PLEKHM3: variants seen among roughly 807,000 people sequenced by gnomAD.
PLEKHM3 encodes the protein pleckstrin homology domain-containing family M member 3.
In PLEKHM3, 45 loss-of-function variants were observed where a neutral mutation model predicts 81.8. That is an observed-to-expected ratio of 0.55 (90% CI 0.43 to 0.71). The LOEUF is 0.71. Ranked by LOEUF, PLEKHM3 falls within the 30% of genes least tolerant of loss-of-function variation. PLEKHM3 has a pLI of 0.00. For synonymous variants in PLEKHM3, 352 were observed against 356.4 expected (o/e 0.99, Z 0.14); for missense variants, 788 against 924.3 (o/e 0.85, Z 1.91).
chr2:207,898,069 G>A (rs1040369946), intron 6 of PLEKHM3, among the ~76,000 whole-genome samples: 6 of 152,152 alleles, frequency 3.9e-5, no homozygotes, highest in Non-Finnish European at 4.4e-5. Flanking sequence ...GGGGTCTGCC[G>A]CCTTTTGAGG....
intron 3 of PLEKHM3, among the ~76,000 whole-genome samples, chr2:207,949,498 C>T (rs150750634): frequency 2.0e-5 from 3 of 152,290 alleles, no homozygotes; most frequent in African/African-American, 4.8e-5. Context: ...TGTGATCATG[C>T]CACTGCACTC....
chr2:207,913,654 C>G (rs773511930), intron 5 of PLEKHM3, among the ~76,000 whole-genome samples: 1 of 151,446 alleles, frequency 6.6e-6, no homozygotes, highest in Non-Finnish European at 1.5e-5. Flanking sequence ...TACTCTTTTA[C>G]GAAGTCAACT....
chr2:207,895,750 A>AT (rs1322271883), intron 6 of PLEKHM3, among the ~76,000 whole-genome samples: 1 of 152,192 alleles, frequency 6.6e-6, no homozygotes, highest in Non-Finnish European at 1.5e-5. Flanking sequence ...TACCTTCTGC[A>AT]TGTTCTTACT....
intron 6 of PLEKHM3, among the ~76,000 whole-genome samples, chr2:207,861,592 G>A (rs2092467718): frequency 6.6e-6 from 1 of 152,204 alleles, no homozygotes; most frequent in South Asian, 2.1e-4. Context: ...GAGGAGTGTG[G>A]TAGGTTTCCC....
rs572366966 is a variant in PLEKHM3, at chr2:207,825,167, T to C, written c.*3152A>G. The C allele has an allele frequency of 6.5e-4, 99 of 152,322 alleles. No individual in the cohort carries two copies. Among genetic ancestry groups the C allele is most frequent in the African/African-American group, 2.3e-3 (94 of 41,568 alleles). The allele number at this position is 152,322 out of a possible 1,614,324, so 9.4% of individuals were successfully genotyped here. A position where few individuals can be genotyped will look rare whatever the true frequency, so the allele number is the denominator to read the frequency against. On this transcript the variant is annotated 3_prime_UTR_variant, in exon 8 of 8. Coordinates refer to ENST00000427836, the MANE Select transcript of PLEKHM3 (RefSeq NM_001080475.3). ...AGTTGACGGCTTTTTAAGTACTTTG[T>C]GGCCTTCCTGCCGCGGTGCAAAATG...
At chr2:208,017,779 G>C (rs898887658) in intron 1 of PLEKHM3, among the ~76,000 whole-genome samples, 2 of 152,036 alleles carry the variant, frequency 1.3e-5, no homozygotes. Context: ...TTTTCTTTTT[G>C]CTAAACCCTA....
At chr2:207,870,130 G>A (rs1472384421) in intron 6 of PLEKHM3, among the ~76,000 whole-genome samples, 1 of 152,196 alleles carries the variant, frequency 6.6e-6, no homozygotes, top group Non-Finnish European at 1.5e-5. Flanking sequence ...AGATCTGTGG[G>A]ATTGGGAAAA....
At chr2:207,965,456 A>G (rs1208283326) in intron 3 of PLEKHM3, among the ~76,000 whole-genome samples, 3 of 151,992 alleles carry the variant, frequency 2.0e-5, no homozygotes, top group Non-Finnish European at 4.4e-5. Context: ...CAAAAGATCT[A>G]TATCTTCTGA....
At chr2:207,961,384 G>C (rs1014216789) in intron 3 of PLEKHM3, among the ~76,000 whole-genome samples, 2 of 152,118 alleles carry the variant, frequency 1.3e-5, no homozygotes, top group African/African-American at 4.8e-5. Flanking sequence ...AAAAAATATG[G>C]GTAAGGCACA....
At chr2:207,880,762 C>CAAAAGAAAAAAAA (rs2092585461) in intron 6 of PLEKHM3, among the ~76,000 whole-genome samples, 1 of 6,976 alleles carries the variant, frequency 1.4e-4, no homozygotes, top group Non-Finnish European at 3.7e-4. Context: ...GACTCTGTCT[C>CAAAAGAAAAAAAA]AAAAAAAAAA....
At chr2:207,952,124 A>C (rs995313095) in intron 3 of PLEKHM3, among the ~76,000 whole-genome samples, 7 of 152,358 alleles carry the variant, frequency 4.6e-5, no homozygotes, top group Admixed American at 2.6e-4. Context: ...AATAAAAAAG[A>C]AAAGAAGGTG....
chr2:207,893,216 G>A (rs905895768), intron 6 of PLEKHM3, among the ~76,000 whole-genome samples: 1 of 152,196 alleles, frequency 6.6e-6, no homozygotes, highest in African/African-American at 2.4e-5. Flanking sequence ...GGCCCTTTCT[G>A]CCACCCCAAA....
intron 6 of PLEKHM3, among the ~76,000 whole-genome samples, chr2:207,890,016 G>T (rs960993387): frequency 4.6e-5 from 7 of 152,206 alleles, no homozygotes; most frequent in Admixed American, 2.6e-4. Context: ...TGTTGCCCAG[G>T]CTGGTTTACA....
rs191845314 is a variant in PLEKHM3, at chr2:207,852,967, C to G, written c.2108+8138G>C. On this transcript the variant is annotated intron_variant, in intron 7 of 7. Transcript: ENST00000427836. ...CATCACTTCTGTGGATGATGGAGCC[C>G]TTCTGGGAGCTCCAGGTCCACCCCG... is the stretch of plus-strand genomic sequence containing the variant. The G allele has an allele frequency of 1.5e-3, 547 of 371,094 alleles. 2 individuals carry two copies. Among genetic ancestry groups the G allele is most frequent in the Non-Finnish European group, 2.4e-3 (462 of 194,028 alleles). 23.0% of individuals were successfully genotyped at this position (371,094 alleles called of 1,614,324 possible).
chr2:207,927,079 C>T (rs1025604372), intron 5 of PLEKHM3, among the ~76,000 whole-genome samples: 3 of 152,160 alleles, frequency 2.0e-5, no homozygotes, highest in African/African-American at 7.2e-5. Context: ...CCTTTTACGA[C>T]TAGATAAGAA....
intron 5 of PLEKHM3, among the ~76,000 whole-genome samples, chr2:207,916,011 G>A (rs1034859692): frequency 6.6e-6 from 1 of 152,168 alleles, no homozygotes; most frequent in Non-Finnish European, 1.5e-5. Flanking sequence ...GACGTGGACA[G>A]GATTCGTATG....
At chr2:207,947,373 G>A (rs1690169911) in intron 3 of PLEKHM3, among the ~76,000 whole-genome samples, 2 of 152,178 alleles carry the variant, frequency 1.3e-5, no homozygotes, top group Non-Finnish European at 2.9e-5. Flanking sequence ...CTCTGTGAGC[G>A]CTGTCTTGGT....
intron 2 of PLEKHM3, among the ~76,000 whole-genome samples, chr2:207,988,668 T>C (rs941053276): frequency 3.9e-5 from 6 of 152,154 alleles, no homozygotes; most frequent in Non-Finnish European, 7.4e-5. Context: ...TATCCCAAGG[T>C]TTACTGTGTC....
At chr2:207,986,357 A>T (rs1437971093) in intron 2 of PLEKHM3, among the ~76,000 whole-genome samples, 1 of 152,222 alleles carries the variant, frequency 6.6e-6, no homozygotes, top group Non-Finnish European at 1.5e-5. Flanking sequence ...CTTCTCTGTC[A>T]AAGTTTAGCA....
Sources: gnomAD v4.1 joint callset for allele counts (sites outside exome capture counted in the v4.1 genomes callset) on GRCh38, gnomAD v4.1.1 for gene constraint, MANE v1.5 for transcripts, NCBI Gene and HGNC (gene_info 2026-07-23, HGNC 2026-07-21) for gene names.